The following CTNND2 variants were observed in gnomAD, a reference collection of about 807,000 sequenced individuals.
The protein encoded by CTNND2 is catenin delta 2.
In CTNND2, 22 loss-of-function variants were observed where a neutral mutation model predicts 144.4. The observed-to-expected ratio is 0.15, with a 90% CI of 0.11 to 0.22. The LOEUF is 0.22. CTNND2 is among the 10% of genes least tolerant of loss of function. The pLI, the probability that CTNND2 is intolerant of heterozygous loss-of-function variation, is 1.00. For missense variants in CTNND2, 1,353 were observed against 1,618.8 expected (o/e 0.84, Z 2.82); for synonymous variants, 751 against 695.6 (o/e 1.08, Z -1.25).
At position 11,794,531 on chromosome 5, in the gene CTNND2, A is replaced by C. The variant is rs191680195; in HGVS notation, c.38-62259T>G. On this transcript the variant is annotated intron_variant, in intron 1 of 21. Transcript: ENST00000304623. Reference sequence around the variant, plus strand: ...GTTTTTCTCTTTGATTTGCTTTGTCATCTGTAGACTCTTCTTTGTTTTGGG... The same window carrying C: ...GTTTTTCTCTTTGATTTGCTTTGTCCTCTGTAGACTCTTCTTTGTTTTGGG... 9.8e-5 allele frequency among the ~76,000 whole-genome samples: 15 copies of C among 152,300 alleles called. No individual in the cohort carries two copies. The East Asian group carries it at 2.9e-3, about 29-fold the overall frequency.
intron 1 of CTNND2, among the ~76,000 whole-genome samples, chr5:11,882,339 T>C (rs569339842): frequency 1.3e-5 from 2 of 152,224 alleles, no homozygotes; most frequent in Non-Finnish European, 2.9e-5. Context: ...TTTCTTTTAG[T>C]AGTTTCTTAG....
chr5:11,075,684 C>CCAT (rs1748870801), intron 16 of CTNND2, among the ~76,000 whole-genome samples: 1 of 152,258 alleles, frequency 6.6e-6, no homozygotes, highest in Non-Finnish European at 1.5e-5. Flanking sequence ...TCCGCCAGTA[C>CCAT]CCGCAGGGAT....
chr5:11,286,972 A>G (rs547610530), intron 9 of CTNND2, among the ~76,000 whole-genome samples: 1 of 152,320 alleles, frequency 6.6e-6, no homozygotes, highest in African/African-American at 2.4e-5. Flanking sequence ...CTATCCATGC[A>G]ATGGAACACT....
At chr5:11,492,278 AGC>A (rs1271579333) in intron 3 of CTNND2, among the ~76,000 whole-genome samples, 5 of 152,154 alleles carry the variant, frequency 3.3e-5, no homozygotes, top group Non-Finnish European at 5.9e-5. Flanking sequence ...GTGGCAAAGG[AGC>A]TTTTAGACTG....
intron 3 of CTNND2, among the ~76,000 whole-genome samples, chr5:11,442,686 A>C (rs1167686443): frequency 6.6e-6 from 1 of 151,506 alleles, no homozygotes; most frequent in Non-Finnish European, 1.5e-5. Context: ...ACTGAAGTGT[A>C]AGGAAAGAGA....
chr5:11,694,910 A>C (rs2126657241), intron 2 of CTNND2, among the ~76,000 whole-genome samples: 1 of 152,372 alleles, frequency 6.6e-6, no homozygotes, highest in African/African-American at 2.4e-5. Context: ...CAGGACTTGG[A>C]ACCCCAATGT....
intron 3 of CTNND2, among the ~76,000 whole-genome samples, chr5:11,506,923 G>T (rs1350272924): frequency 6.6e-6 from 1 of 152,178 alleles, no homozygotes; most frequent in African/African-American, 2.4e-5. Context: ...GATGCGACTG[G>T]TAATCAATTT....
intron 2 of CTNND2, among the ~76,000 whole-genome samples, chr5:11,648,248 T>C (rs1316662567): frequency 1.3e-5 from 2 of 150,220 alleles, no homozygotes; most frequent in African/African-American, 4.9e-5. Context: ...GCTACCAAGA[T>C]AAACTGAACT....
chr5:11,278,628 T>C (rs903881228), intron 9 of CTNND2, among the ~76,000 whole-genome samples: 1 of 152,180 alleles, frequency 6.6e-6, no homozygotes, highest in Non-Finnish European at 1.5e-5. Flanking sequence ...GGGGAGGGGA[T>C]GTGGCTTGAA....
At chr5:11,500,893 T>C (rs550425513) in intron 3 of CTNND2, among the ~76,000 whole-genome samples, 1 of 152,342 alleles carries the variant, frequency 6.6e-6, no homozygotes, top group East Asian at 1.9e-4. Flanking sequence ...ATTATTACTA[T>C]ATAGACAAAA....
At chr5:11,371,930 A>G (rs73042265) in intron 7 of CTNND2, among the ~76,000 whole-genome samples, 4,565 of 152,268 alleles carry the variant, frequency 0.03, 234 homozygotes, top group African/African-American at 0.1. Context: ...CTTATTATAA[A>G]TCTATTTTTG....
intron 7 of CTNND2, among the ~76,000 whole-genome samples, chr5:11,366,257 C>G (rs1756969109): frequency 6.6e-6 from 1 of 152,030 alleles, no homozygotes; most frequent in Non-Finnish European, 1.5e-5. Context: ...TTTAAAATTG[C>G]CAATAGAAAA....
chr5:11,901,962 C>A (rs573028209), intron 1 of CTNND2, among the ~76,000 whole-genome samples: 5 of 152,282 alleles, frequency 3.3e-5, no homozygotes, highest in Admixed American at 1.3e-4. Context: ...GTGGGCATAA[C>A]GGTGTGTTCA....
intron 2 of CTNND2, among the ~76,000 whole-genome samples, chr5:11,707,037 GA>G (rs1181791532): frequency 1.3e-5 from 2 of 148,872 alleles, no homozygotes; most frequent in Non-Finnish European, 3.0e-5. Flanking sequence ...AGTGAGCCGA[GA>G]TCACGCCACT....
At chr5:11,588,128 T>C (rs1351971581) in intron 2 of CTNND2, among the ~76,000 whole-genome samples, 1 of 152,142 alleles carries the variant, frequency 6.6e-6, no homozygotes, top group African/African-American at 2.4e-5. Flanking sequence ...CTAGTTCTAG[T>C]ATAAACTTAT....
At chr5:11,195,165 G>A (rs921270210) in intron 11 of CTNND2, among the ~76,000 whole-genome samples, 1 of 152,010 alleles carries the variant, frequency 6.6e-6, no homozygotes, top group Non-Finnish European at 1.5e-5. Context: ...AATGTTCAAC[G>A]ATTTTTTTAA....
chr5:11,871,133 C>A (rs1478549049), intron 1 of CTNND2, among the ~76,000 whole-genome samples: 1 of 152,170 alleles, frequency 6.6e-6, no homozygotes, highest in East Asian at 1.9e-4. Flanking sequence ...CAGCTAACCC[C>A]TGCTCAGAAG....
At chr5:11,149,236 C>T (rs934557911) in intron 12 of CTNND2, among the ~76,000 whole-genome samples, 3 of 152,222 alleles carry the variant, frequency 2.0e-5, no homozygotes, top group African/African-American at 2.4e-5. Flanking sequence ...AAAATAGCTC[C>T]GTGAGCAGTC....
chr5:11,113,232 G>T (rs79806623), intron 13 of CTNND2, among the ~76,000 whole-genome samples: 16,284 of 152,182 alleles, frequency 0.11, 1,116 homozygotes, highest in Non-Finnish European at 0.15. Flanking sequence ...ACAGCTCTTT[G>T]AATAGTGTCT....
Sources: allele counts gnomAD v4.1 joint callset (sites outside exome capture counted in the v4.1 genomes callset), GRCh38; gene constraint gnomAD v4.1.1; transcripts MANE v1.5; gene names NCBI Gene and HGNC (gene_info 2026-07-23, HGNC 2026-07-21).